The following C8orf34 variants were observed in gnomAD, a reference collection of about 807,000 sequenced individuals.
C8orf34 encodes the protein chromosome 8 open reading frame 34, also known as uncharacterized protein C8orf34.
In C8orf34, 65 loss-of-function variants were observed where a neutral mutation model predicts 68.3. The ratio of observed to expected loss-of-function variants is 0.95; its 90% confidence interval spans 0.78 to 1.17. The LOEUF is 1.17. Ranked by LOEUF, C8orf34 falls within the 50% of genes most tolerant of loss-of-function variation. The pLI is 0.00. For missense variants in C8orf34, 664 were observed against 655.4 expected, an observed-to-expected ratio of 1.01 and a Z score of -0.14; for synonymous variants, 244 against 241.2, an observed-to-expected ratio of 1.01 and a Z score of -0.11.
Position 68,337,987 on chromosome 8 carries a change from T to C in C8orf34, c.327+6648T>C, listed in dbSNP as rs373733754. On this transcript the variant is annotated intron_variant, in intron 1 of 13. Transcript: ENST00000518698. ...TACAGAATTTCTTTATTACAAATGGTGGCATCTTCTTTGCACCTATATATA... is the reference window on the plus strand; with the variant it reads ...TACAGAATTTCTTTATTACAAATGGCGGCATCTTCTTTGCACCTATATATA... 5.3e-5 allele frequency among the ~76,000 whole-genome samples: 8 copies of C among 152,336 alleles called. 1 individual carries two copies. Among genetic ancestry groups the C allele is most frequent in the African/African-American group, 1.9e-4 (8 of 41,592 alleles).
At chr8:68,805,622 C>T (rs1824458715) in intron 12 of C8orf34, among the ~76,000 whole-genome samples, 2 of 152,136 alleles carry the variant, frequency 1.3e-5, no homozygotes, top group Admixed American at 1.3e-4. Flanking sequence ...GCATTAAATT[C>T]CACATTCTAT....
At chr8:68,756,755 C>G (rs1484334134) in intron 10 of C8orf34, among the ~76,000 whole-genome samples, 5 of 151,980 alleles carry the variant, frequency 3.3e-5, no homozygotes, top group African/African-American at 1.2e-4. Flanking sequence ...TACACGAAAA[C>G]ATGCCAAAAA....
chr8:68,721,647 T>A (rs1490579584), intron 10 of C8orf34, among the ~76,000 whole-genome samples: 1 of 151,964 alleles, frequency 6.6e-6, no homozygotes, highest in Non-Finnish European at 1.5e-5. Flanking sequence ...CATGTGAGCA[T>A]GCTAAAAGGT....
In C8orf34 at chr8:68,446,452, C is replaced by T; in HGVS notation, c.599C>T (p.Ser200Phe). ...AATATTTCTCCACCATCACCGGACT[C>T]CAAATCATGTAAGGAAGTCTCTTAT... ...VSNISPPSPD[S>F]KSLPRSVEHP... Residue 200 changes from serine (S) to phenylalanine (F), a missense_variant, in exon 3 of 14, where the codon TCC becomes TTC. Physicochemically the swap from Ser to Phe is radical, Grantham distance 155 (BLOSUM62 -2). Coordinates refer to ENST00000518698, the MANE Select transcript of C8orf34 (RefSeq NM_052958.4). The T allele has an allele frequency of 6.2e-7, 1 of 1,611,506 alleles. No homozygotes were observed. Among genetic ancestry groups the T allele is most frequent in the Non-Finnish European group, 8.5e-7 (1 of 1,179,082 alleles).
At chr8:68,429,922 C>T (rs551359431) in intron 1 of C8orf34, among the ~76,000 whole-genome samples, 8 of 152,064 alleles carry the variant, frequency 5.3e-5, no homozygotes, top group Non-Finnish European at 8.8e-5. Context: ...ACACGTAGAA[C>T]CTAAAACCCT....
At chr8:68,708,472 T>C (rs1821235925) in intron 8 of C8orf34, among the ~76,000 whole-genome samples, 1 of 152,198 alleles carries the variant, frequency 6.6e-6, no homozygotes, top group Non-Finnish European at 1.5e-5. Context: ...GAAGGCTCAG[T>C]GTCTATGAGA....
chr8:68,657,813 A>T (rs1239137371), intron 8 of C8orf34, among the ~76,000 whole-genome samples: 2 of 152,156 alleles, frequency 1.3e-5, no homozygotes, highest in Non-Finnish European at 2.9e-5. Context: ...CTGCCTGGTT[A>T]ATAAAGGTGG....
chr8:68,568,061 G>A (rs555907052), intron 7 of C8orf34, among the ~76,000 whole-genome samples: 29 of 152,184 alleles, frequency 1.9e-4, no homozygotes, highest in African/African-American at 6.5e-4. Flanking sequence ...GGGATGGCTA[G>A]TTTGGGGGAG....
intron 1 of C8orf34, among the ~76,000 whole-genome samples, chr8:68,359,210 T>G (rs1358558434): frequency 6.6e-6 from 1 of 152,164 alleles, no homozygotes; most frequent in Non-Finnish European, 1.5e-5. Context: ...CAAGAATGAT[T>G]TATAGCTTTT....
intron 10 of C8orf34, among the ~76,000 whole-genome samples, chr8:68,752,217 T>C (rs1359228095): frequency 6.6e-6 from 1 of 152,210 alleles, no homozygotes; most frequent in African/African-American, 2.4e-5. Context: ...GATCAAAATT[T>C]GATTCCTTTT....
At chr8:68,570,714 C>T (rs766359596) in intron 7 of C8orf34, among the ~76,000 whole-genome samples, 59 of 152,298 alleles carry the variant, frequency 3.9e-4, no homozygotes, top group Non-Finnish European at 7.9e-4. Flanking sequence ...GCACAGCCAT[C>T]ATCTGGGAGC....
intron 7 of C8orf34, among the ~76,000 whole-genome samples, chr8:68,574,438 T>C (rs1816845445): frequency 6.6e-6 from 1 of 152,072 alleles, no homozygotes; most frequent in African/African-American, 2.4e-5. Context: ...TAGCATAAGA[T>C]TAGTATCTTG....
At chr8:68,666,784 A>G (rs1227444381) in intron 8 of C8orf34, among the ~76,000 whole-genome samples, 1 of 152,206 alleles carries the variant, frequency 6.6e-6, no homozygotes, top group Non-Finnish European at 1.5e-5. Flanking sequence ...GAAAAAATGA[A>G]TTGATTTTTC....
chr8:68,441,106 C>T (rs1369490595), intron 2 of C8orf34, among the ~76,000 whole-genome samples: 1 of 152,022 alleles, frequency 6.6e-6, no homozygotes, highest in Admixed American at 6.5e-5. Context: ...GCCCTGCCAA[C>T]TCTTCATTTT....
intron 7 of C8orf34, among the ~76,000 whole-genome samples, chr8:68,547,064 A>C (rs1209616863): frequency 6.6e-6 from 1 of 151,762 alleles, no homozygotes; most frequent in Non-Finnish European, 1.5e-5. Flanking sequence ...ATACAGATGA[A>C]ATGAATCAAT....
chr8:68,455,318 T>G (rs889674138), intron 3 of C8orf34, among the ~76,000 whole-genome samples: 1 of 152,168 alleles, frequency 6.6e-6, no homozygotes, highest in African/African-American at 2.4e-5. Flanking sequence ...ATTTGCTCCG[T>G]TATCGAAAGT....
intron 1 of C8orf34, among the ~76,000 whole-genome samples, chr8:68,380,122 A>G (rs1255381453): frequency 6.6e-6 from 1 of 152,162 alleles, no homozygotes; most frequent in Non-Finnish European, 1.5e-5. Flanking sequence ...TTCACCTCCC[A>G]AAGTGCTGGA....
intron 1 of C8orf34, among the ~76,000 whole-genome samples, chr8:68,366,716 T>A (rs1346059954): frequency 7.0e-6 from 1 of 142,372 alleles, no homozygotes; most frequent in Non-Finnish European, 1.5e-5. Flanking sequence ...TGAAACTGGA[T>A]CCCTTCCTTA....
intron 7 of C8orf34, among the ~76,000 whole-genome samples, chr8:68,570,575 C>T (rs1816733119): frequency 6.6e-6 from 1 of 152,190 alleles, no homozygotes; most frequent in South Asian, 2.1e-4. Flanking sequence ...TTGAAATGTA[C>T]TTGGCCTAGT....
Sources: gnomAD v4.1 joint callset for allele counts (sites outside exome capture counted in the v4.1 genomes callset) on GRCh38, gnomAD v4.1.1 for gene constraint, MANE v1.5 for transcripts, NCBI Gene and HGNC (gene_info 2026-07-23, HGNC 2026-07-21) for gene names.